The following CSMD1 variants were observed in gnomAD, a reference collection of about 807,000 sequenced individuals.
CSMD1 encodes CUB and Sushi multiple domains 1.
A neutral mutation model predicts 417.5 loss-of-function variants in CSMD1; 213 were observed. That is an observed-to-expected ratio of 0.51 (90% CI 0.46 to 0.57). CSMD1 has a LOEUF of 0.57. CSMD1 is among the 20% of genes least tolerant of loss of function. The pLI is 0.00. For missense variants in CSMD1, 6,923 were observed against 4,529.7 expected (o/e 1.53, Z -15.17); for synonymous variants, 2,862 against 1,736.8 (o/e 1.65, Z -16.11).
intron 2 of CSMD1, among the ~76,000 whole-genome samples, chr8:4,423,410 C>G (rs551822262): frequency 2.6e-5 from 4 of 151,924 alleles, no homozygotes; most frequent in East Asian, 3.9e-4. Context: ...GTTCTACATA[C>G]TAGCAATGAA....
At chr8:4,653,245 T>C (rs995111525) in intron 1 of CSMD1, among the ~76,000 whole-genome samples, 2 of 152,084 alleles carry the variant, frequency 1.3e-5, no homozygotes, top group South Asian at 2.1e-4. Context: ...CAAATCGGGC[T>C]CCTATAAAGG....
intron 4 of CSMD1, among the ~76,000 whole-genome samples, chr8:4,025,000 G>C (rs777691525): frequency 7.2e-5 from 11 of 152,214 alleles, no homozygotes; most frequent in African/African-American, 2.4e-4. Context: ...GGTTTAAACG[G>C]CCTGATGCCT....
At chr8:3,290,066 C>G (rs975306983) in intron 25 of CSMD1, among the ~76,000 whole-genome samples, 1 of 147,060 alleles carries the variant, frequency 6.8e-6, no homozygotes, top group Non-Finnish European at 1.5e-5. Context: ...TTTCCCAGCA[C>G]CATTTATTAA....
At chr8:4,432,056 C>A (rs1248728275) in intron 2 of CSMD1, among the ~76,000 whole-genome samples, 1 of 152,036 alleles carries the variant, frequency 6.6e-6, no homozygotes. Context: ...GTAGTGCTCA[C>A]AGACTAAAAC....
Position 3,621,188 on chromosome 8 carries a change from GTTGT to G in CSMD1, c.1010-4395_1010-4392del, listed in dbSNP as rs1796223678. 2.0e-5 allele frequency among the ~76,000 whole-genome samples: 3 copies of G among 152,286 alleles called. No homozygotes were observed. The South Asian group carries it at 6.2e-4, about 32-fold the overall frequency. Reference sequence around the variant, plus strand: ...TAGAATTGTGGTAAAGTGAATTTCTGTTGTTTAAGCCACTCGGCGAGTAGCGTAG... The same window carrying G: ...TAGAATTGTGGTAAAGTGAATTTCTGTTAAGCCACTCGGCGAGTAGCGTAG... On this transcript the variant is annotated intron_variant, in intron 7 of 69. Transcript: ENST00000635120.
chr8:3,957,756 G>T (rs961885716), intron 5 of CSMD1, among the ~76,000 whole-genome samples: 1 of 151,966 alleles, frequency 6.6e-6, no homozygotes, highest in Non-Finnish European at 1.5e-5. Flanking sequence ...AAAAAGAAAA[G>T]TATGAATATC....
Position 4,787,227 on chromosome 8 carries a change from G to T in CSMD1, c.86-149669C>A, listed in dbSNP as rs1008202612. On this transcript the variant is annotated intron_variant, in intron 1 of 69. Transcript: ENST00000635120. ...GGCCCCGCCAGGGGGCGCGCCTGGG[G>T]GCCGCGCCTCCTTCCCCGCCCAGAG... 4 of 496,064 alleles carry T rather than the reference G, an allele frequency of 8.1e-6. No individual in the cohort carries two copies. The East Asian group carries it at 1.5e-4, about 19-fold the overall frequency. The allele number at this position is 496,064 out of a possible 1,614,324, so 30.7% of individuals were successfully genotyped here.
chr8:3,384,620 G>C (rs955537210), intron 18 of CSMD1, among the ~76,000 whole-genome samples: 1 of 142,064 alleles, frequency 7.0e-6, no homozygotes, highest in Admixed American at 7.4e-5. Flanking sequence ...TTAAATATTT[G>C]CAAATTGCTA....
intron 5 of CSMD1, among the ~76,000 whole-genome samples, chr8:3,793,669 A>G (rs1799876074): frequency 6.6e-6 from 1 of 152,104 alleles, no homozygotes; most frequent in Non-Finnish European, 1.5e-5. Context: ...AGCATTTGTA[A>G]ACCACTCATG....
At chr8:4,342,560 C>T (rs1800540433) in intron 3 of CSMD1, among the ~76,000 whole-genome samples, 1 of 152,060 alleles carries the variant, frequency 6.6e-6, no homozygotes, top group South Asian at 2.1e-4. Flanking sequence ...AGTAAGTGAT[C>T]CTCTCAGATG....
intron 3 of CSMD1, among the ~76,000 whole-genome samples, chr8:4,379,470 T>G (rs1802963535): frequency 1.3e-5 from 2 of 152,312 alleles, no homozygotes; most frequent in Middle Eastern, 3.4e-3. Context: ...ATTAATGTCT[T>G]CAGTTTTGAC....
intron 5 of CSMD1, among the ~76,000 whole-genome samples, chr8:3,986,944 G>A (rs988185361): frequency 2.0e-5 from 3 of 151,930 alleles, no homozygotes; most frequent in African/African-American, 7.3e-5. Flanking sequence ...TAGTATACAG[G>A]GCGTTTCACC....
chr8:4,534,612 A>C (rs1407948489), intron 2 of CSMD1, among the ~76,000 whole-genome samples: 2 of 152,110 alleles, frequency 1.3e-5, no homozygotes, highest in African/African-American at 4.8e-5. Context: ...TAGTAGCCTG[A>C]AATGTCTAAT....
At position 3,507,588 on chromosome 8, in the gene CSMD1, C is replaced by A. The variant is rs1472673619; in HGVS notation, c.1345-13862G>T. Among the ~76,000 whole-genome samples, 4 of 152,274 alleles carry A rather than the reference C, an allele frequency of 2.6e-5. No individual in the cohort carries two copies. The East Asian group carries it at 7.7e-4, about 29-fold the overall frequency. On this transcript the variant is annotated intron_variant, in intron 10 of 69. Coordinates refer to ENST00000635120, the MANE Select transcript of CSMD1 (RefSeq NM_033225.6). ...CCCTGAGGAATCGCCACACTGACTT[C>A]CACAATGGTTGAACTAGTTTACATT...
rs1809542627 is a variant in CSMD1, at chr8:4,962,203, A to C, written c.85+32129T>G. ...TAAATTTCTGCTTTTTTTTTAAAAA[A>C]AAAAGAAAAAAACAAATATTTGTTG... On this transcript the variant is annotated intron_variant, in intron 1 of 69. Coordinates refer to ENST00000635120, the MANE Select transcript of CSMD1 (RefSeq NM_033225.6). Among the ~76,000 whole-genome samples the C allele has an allele frequency of 2.8e-5, 4 of 142,156 alleles. No homozygotes were observed. The South Asian group carries it at 8.9e-4, about 32-fold the overall frequency. The allele number at this position is 142,156 out of a possible 152,430, so 93.3% of individuals were successfully genotyped here. A position where few individuals can be genotyped will look rare whatever the true frequency, so the allele number is the denominator to read the frequency against.
intron 6 of CSMD1, among the ~76,000 whole-genome samples, chr8:3,719,365 T>C (rs1296053915): frequency 6.6e-6 from 1 of 152,104 alleles, no homozygotes; most frequent in Non-Finnish European, 1.5e-5. Context: ...CAGCCTCGGA[T>C]TTTTTCATCT....
At chr8:4,463,162 A>G (rs35515989) in intron 2 of CSMD1, among the ~76,000 whole-genome samples, 4,484 of 152,260 alleles carry the variant, frequency 0.029, 214 homozygotes, top group African/African-American at 0.1. Context: ...AAGATACACA[A>G]ATGGCCAAGA....
intron 3 of CSMD1, among the ~76,000 whole-genome samples, chr8:4,055,227 G>T (rs890949113): frequency 6.6e-6 from 1 of 152,204 alleles, no homozygotes; most frequent in African/African-American, 2.4e-5. Flanking sequence ...AAACCATTTT[G>T]AGACAATAGG....
intron 2 of CSMD1, among the ~76,000 whole-genome samples, chr8:4,440,326 C>T (rs1475142149): frequency 6.6e-6 from 1 of 152,124 alleles, no homozygotes; most frequent in Non-Finnish European, 1.5e-5. Flanking sequence ...AGTCTATTAA[C>T]TGGGAAGCAT....
Sources: gnomAD v4.1 joint callset for allele counts (sites outside exome capture counted in the v4.1 genomes callset) on GRCh38, gnomAD v4.1.1 for gene constraint, MANE v1.5 for transcripts, NCBI Gene and HGNC (gene_info 2026-07-23, HGNC 2026-07-21) for gene names.